Variants in ENTREP2 observed in about 807,000 individuals in gnomAD.
The protein encoded by ENTREP2 is endosomal transmembrane epsin interactor 2.
At chr15:29,223,498 A>C in the ENTREP2 span, among the ~76,000 whole-genome samples, 3 of 152,212 alleles carry the variant, frequency 2.0e-5, no homozygotes, top group Non-Finnish European at 4.4e-5. Flanking sequence ...CGGGGAGTCC[A>C]GTGGACACAG....
chr15:29,302,638 T>C, the ENTREP2 span, among the ~76,000 whole-genome samples: 1 of 151,982 alleles, frequency 6.6e-6, no homozygotes, highest in South Asian at 2.1e-4. Context: ...AATAATTACA[T>C]CCCATTTTTT....
chr15:29,331,764 A>G, the ENTREP2 span, among the ~76,000 whole-genome samples: 1 of 152,220 alleles, frequency 6.6e-6, no homozygotes, highest in Non-Finnish European at 1.5e-5. Context: ...TTAAGTAAAG[A>G]AAATAAAGCA....
At chr15:29,146,006 T>C in the ENTREP2 span, among the ~76,000 whole-genome samples, 1 of 152,214 alleles carries the variant, frequency 6.6e-6, no homozygotes. Context: ...TGTATTTCTA[T>C]ATATTAGCAA....
At chr15:29,220,160 G>A in the ENTREP2 span, among the ~76,000 whole-genome samples, 1 of 152,190 alleles carries the variant, frequency 6.6e-6, no homozygotes, top group Admixed American at 6.5e-5. Flanking sequence ...TGTGGGCTGG[G>A]GAGACCCGCT....
the ENTREP2 span, among the ~76,000 whole-genome samples, chr15:29,604,409 AAAG>A: frequency 6.6e-6 from 1 of 152,212 alleles, no homozygotes; most frequent in African/African-American, 2.4e-5. Flanking sequence ...GAGCAGAAAA[AAAG>A]AATTTGTATG....
the ENTREP2 span, among the ~76,000 whole-genome samples, chr15:29,405,661 T>C: frequency 6.6e-6 from 1 of 152,334 alleles, no homozygotes. Flanking sequence ...CGCTCACTCA[T>C]GCACCTGCCT....
the ENTREP2 span, among the ~76,000 whole-genome samples, chr15:29,300,730 C>A: frequency 3.9e-4 from 59 of 151,988 alleles, 1 homozygote; most frequent in Middle Eastern, 3.4e-3. Context: ...TCCCGAGTAG[C>A]TGGGACTACA....
At chr15:29,609,632 AATT>A in the ENTREP2 span, 1 of 137,230 alleles carries the variant, frequency 7.3e-6, no homozygotes, top group African/African-American at 3.5e-5. Context: ...CTATAATATT[AATT>A]ATTATTGTTA....
chr15:29,242,968 G>T, the ENTREP2 span, among the ~76,000 whole-genome samples: 1 of 152,198 alleles, frequency 6.6e-6, no homozygotes, highest in African/African-American at 2.4e-5. Context: ...AGCACAGCTG[G>T]CAAGGCAGGG....
chr15:29,436,425 T>G, the ENTREP2 span, among the ~76,000 whole-genome samples: 1 of 152,200 alleles, frequency 6.6e-6, no homozygotes, highest in Non-Finnish European at 1.5e-5. Flanking sequence ...AAGAGAACTT[T>G]TTATTCCCCA....
At chr15:29,317,733 T>C in the ENTREP2 span, among the ~76,000 whole-genome samples, 6 of 152,144 alleles carry the variant, frequency 3.9e-5, no homozygotes, top group African/African-American at 1.4e-4. Context: ...TCATGCAGAA[T>C]TGAACTTATG....
the ENTREP2 span, among the ~76,000 whole-genome samples, chr15:29,447,111 A>C: frequency 2.0e-5 from 3 of 152,210 alleles, no homozygotes; most frequent in Non-Finnish European, 2.9e-5. Context: ...ACAAATTCTT[A>C]CAGCAAGCAA....
At chr15:29,565,909 C>T in the ENTREP2 span, among the ~76,000 whole-genome samples, 2 of 150,794 alleles carry the variant, frequency 1.3e-5, no homozygotes, top group African/African-American at 4.9e-5. Flanking sequence ...TGCAGTGAGC[C>T]GAGATCACGC....
the ENTREP2 span, among the ~76,000 whole-genome samples, chr15:29,192,814 CA>C: frequency 6.6e-5 from 10 of 152,100 alleles, no homozygotes; most frequent in Non-Finnish European, 1.3e-4. Flanking sequence ...GCTTACCACT[CA>C]AAAGTCAGTG....
At chr15:29,626,128 T>C in the ENTREP2 span, among the ~76,000 whole-genome samples, 1 of 152,228 alleles carries the variant, frequency 6.6e-6, no homozygotes, top group Non-Finnish European at 1.5e-5. Context: ...GGTTTCTTCA[T>C]GTTGTTGCTA....
chr15:29,398,616 C>G, the ENTREP2 span, among the ~76,000 whole-genome samples: 1 of 152,052 alleles, frequency 6.6e-6, no homozygotes, highest in East Asian at 1.9e-4. Context: ...CTCAGCTACT[C>G]GGGAGGCTGA....
At chr15:29,440,375 T>C in the ENTREP2 span, among the ~76,000 whole-genome samples, 1 of 152,222 alleles carries the variant, frequency 6.6e-6, no homozygotes, top group African/African-American at 2.4e-5. Context: ...TGCATCATCC[T>C]ACATGTGGGG....
the ENTREP2 span, among the ~76,000 whole-genome samples, chr15:29,598,387 C>A: frequency 6.6e-6 from 1 of 152,116 alleles, no homozygotes; most frequent in Non-Finnish European, 1.5e-5. Context: ...TCATTTTGGG[C>A]CAATGCCCAT....
the ENTREP2 span, among the ~76,000 whole-genome samples, chr15:29,487,214 C>T: frequency 0.041 from 6,276 of 152,248 alleles, 139 homozygotes; most frequent in Middle Eastern, 0.092. Flanking sequence ...TTCCAAAGCA[C>T]CTATGCATAT....
Sources: allele counts gnomAD v4.1 joint callset (sites outside exome capture counted in the v4.1 genomes callset), GRCh38; gene constraint gnomAD v4.1.1; transcripts MANE v1.5; gene names NCBI Gene and HGNC (gene_info 2026-07-23, HGNC 2026-07-21).